Variants in SORCS3 observed in about 807,000 individuals in gnomAD.
The protein encoded by SORCS3 is sortilin related VPS10 domain containing receptor 3, also known as VPS10 domain-containing receptor SorCS3.
Under a neutral mutation model 146.3 loss-of-function variants are expected in SORCS3, and 57 were observed. The observed-to-expected ratio is 0.39, with a 90% CI of 0.31 to 0.49. The LOEUF (loss-of-function observed/expected upper bound fraction) is 0.49. Among genes scored for constraint, SORCS3 ranks in the 20% least tolerant of loss-of-function variants. SORCS3 has a pLI of 0.92. For synonymous variants in SORCS3, 653 were observed against 618.5 expected, an observed-to-expected ratio of 1.06 and a Z score of -0.83; for missense variants, 1,341 against 1,575.5, an observed-to-expected ratio of 0.85 and a Z score of 2.52.
chr10:105,217,560 A>C (rs112569847), intron 19 of SORCS3, among the ~76,000 whole-genome samples: 14 of 152,356 alleles, frequency 9.2e-5, no homozygotes, highest in African/African-American at 3.4e-4. Context: ...AGAAGGATTA[A>C]AGAAACATGT....
At chr10:105,070,498 C>A (rs1340005795) in intron 5 of SORCS3, among the ~76,000 whole-genome samples, 1 of 152,156 alleles carries the variant, frequency 6.6e-6, no homozygotes. Flanking sequence ...AGGGAGAAAT[C>A]CTAGGTTCTT....
intron 7 of SORCS3, among the ~76,000 whole-genome samples, chr10:105,135,633 A>G (rs1025466234): frequency 1.3e-5 from 2 of 152,112 alleles, no homozygotes; most frequent in Non-Finnish European, 2.9e-5. Flanking sequence ...GCGTTTTACT[A>G]TAAATGGTCA....
At chr10:104,744,313 C>A (rs1176446759) in intron 1 of SORCS3, among the ~76,000 whole-genome samples, 1 of 152,194 alleles carries the variant, frequency 6.6e-6, no homozygotes, top group Non-Finnish European at 1.5e-5. Flanking sequence ...GCTCTGGGAA[C>A]TTTTGACATG....
At chr10:104,882,112 T>G (rs750526857) in intron 2 of SORCS3, among the ~76,000 whole-genome samples, 26 of 152,280 alleles carry the variant, frequency 1.7e-4, no homozygotes, top group Non-Finnish European at 3.2e-4. Context: ...TGCCACTGAT[T>G]AATACCCCAG....
chr10:105,045,706 T>C (rs771098926), intron 5 of SORCS3, among the ~76,000 whole-genome samples: 3 of 152,310 alleles, frequency 2.0e-5, no homozygotes, highest in Non-Finnish European at 4.4e-5. Flanking sequence ...GGGACCTCTT[T>C]AACCTATGGT....
At chr10:104,759,971 G>C (rs2017101174) in intron 1 of SORCS3, among the ~76,000 whole-genome samples, 1 of 152,174 alleles carries the variant, frequency 6.6e-6, no homozygotes, top group Admixed American at 6.5e-5. Context: ...ATGTACCGAG[G>C]GGAAGCAAGG....
At chr10:104,849,160 C>G (rs1366678918) in intron 2 of SORCS3, among the ~76,000 whole-genome samples, 1 of 152,018 alleles carries the variant, frequency 6.6e-6, no homozygotes, top group African/African-American at 2.4e-5. Flanking sequence ...CCTGAAATCC[C>G]AGCACTTTGG....
intron 14 of SORCS3, among the ~76,000 whole-genome samples, chr10:105,199,381 G>T (rs11192360): frequency 2.0e-5 from 3 of 152,074 alleles, no homozygotes; most frequent in African/African-American, 7.2e-5. Flanking sequence ...TTATGAGTCT[G>T]CTGTGATTCT....
At chr10:105,053,661 T>G (rs2133712547) in intron 5 of SORCS3, among the ~76,000 whole-genome samples, 1 of 152,088 alleles carries the variant, frequency 6.6e-6, no homozygotes, top group Non-Finnish European at 1.5e-5. Flanking sequence ...ATTTTATATC[T>G]TTTAAAAATG....
At chr10:104,652,620 C>T (rs932487566) in intron 1 of SORCS3, among the ~76,000 whole-genome samples, 7 of 152,158 alleles carry the variant, frequency 4.6e-5, no homozygotes, top group Non-Finnish European at 8.8e-5. Flanking sequence ...TCCATTAACA[C>T]GCATACCATG....
At chr10:105,049,944 C>T (rs2055399460) in intron 5 of SORCS3, among the ~76,000 whole-genome samples, 1 of 151,946 alleles carries the variant, frequency 6.6e-6, no homozygotes. Flanking sequence ...TGCACATGTA[C>T]CCATTGATTC....
intron 3 of SORCS3, among the ~76,000 whole-genome samples, chr10:104,933,441 C>G (rs1457341452): frequency 3.9e-5 from 6 of 151,990 alleles, no homozygotes; most frequent in Admixed American, 3.3e-4. Flanking sequence ...TCCAGAAGCT[C>G]AGAGCTCCCA....
At chr10:105,084,603 G>A (rs1429616492) in intron 5 of SORCS3, among the ~76,000 whole-genome samples, 1 of 152,162 alleles carries the variant, frequency 6.6e-6, no homozygotes, top group Non-Finnish European at 1.5e-5. Context: ...AAGTTCATGG[G>A]CTTCTCAGCA....
At chr10:104,686,811 C>T (rs562042258) in intron 1 of SORCS3, among the ~76,000 whole-genome samples, 1 of 152,302 alleles carries the variant, frequency 6.6e-6, no homozygotes, top group East Asian at 1.9e-4. Context: ...GTCTCAGGAT[C>T]CTCATACATC....
chr10:104,921,739 A>G (rs748886146), intron 3 of SORCS3, among the ~76,000 whole-genome samples: 5 of 152,028 alleles, frequency 3.3e-5, no homozygotes, highest in Non-Finnish European at 7.4e-5. Flanking sequence ...ATTTTGGAAA[A>G]TAGCTAATAA....
At chr10:105,125,355 T>A (rs1199294976) in intron 7 of SORCS3, among the ~76,000 whole-genome samples, 3 of 152,194 alleles carry the variant, frequency 2.0e-5, no homozygotes, top group Non-Finnish European at 4.4e-5. Flanking sequence ...AATTAGTGAA[T>A]TTAATTGTTA....
At chr10:105,152,108 C>A (rs888562472) in intron 9 of SORCS3, among the ~76,000 whole-genome samples, 13 of 152,304 alleles carry the variant, frequency 8.5e-5, no homozygotes, top group African/African-American at 2.9e-4. Flanking sequence ...CTTTCCAACA[C>A]CCGCAGTTAT....
chr10:104,704,552 G>C (rs2016315223), intron 1 of SORCS3, among the ~76,000 whole-genome samples: 3 of 152,098 alleles, frequency 2.0e-5, no homozygotes, highest in African/African-American at 7.2e-5. Flanking sequence ...AACTGGGGAT[G>C]GGGTAGGGAT....
At chr10:105,227,646 G>A (rs1447252777) in intron 20 of SORCS3, among the ~76,000 whole-genome samples, 1 of 152,178 alleles carries the variant, frequency 6.6e-6, no homozygotes, top group East Asian at 1.9e-4. Context: ...GAGTGTTGAA[G>A]TTCCCAACTA....
Sources: gnomAD v4.1 joint callset for allele counts (sites outside exome capture counted in the v4.1 genomes callset) on GRCh38, gnomAD v4.1.1 for gene constraint, MANE v1.5 for transcripts, NCBI Gene and HGNC (gene_info 2026-07-23, HGNC 2026-07-21) for gene names.